Variants in ELF2 observed in about 807,000 individuals in gnomAD.
ELF2 encodes E74 like ETS transcription factor 2.
Under a neutral mutation model 54.8 loss-of-function variants are expected in ELF2, and 11 were observed. That is an observed-to-expected ratio of 0.20 (90% CI 0.13 to 0.33). The LOEUF (loss-of-function observed/expected upper bound fraction) is 0.33, where lower values mean the gene tolerates loss of function less well. ELF2 is among the 10% of genes least tolerant of loss of function. The probability of loss-of-function intolerance (pLI) is 1.00; values close to 1 mark genes in which losing one functional copy is unlikely to be tolerated. For missense variants in ELF2, 513 were observed against 703.0 expected, an observed-to-expected ratio of 0.73 and a Z score of 3.06; for synonymous variants, 203 against 245.1, an observed-to-expected ratio of 0.83 and a Z score of 1.61.
chr4:139,087,715 C>T (rs1402749111), intron 4 of ELF2, among the ~76,000 whole-genome samples: 1 of 152,104 alleles, frequency 6.6e-6, no homozygotes, highest in Non-Finnish European at 1.5e-5. Flanking sequence ...TCCGCCCTCC[C>T]CGGCCTCCCA....
chr4:139,150,600 T>C (rs1003245117), intron 1 of ELF2, among the ~76,000 whole-genome samples: 2 of 151,152 alleles, frequency 1.3e-5, no homozygotes, highest in Admixed American at 6.6e-5. Flanking sequence ...CTGTAGTCTA[T>C]ACTAACTAGG....
Position 139,084,542 on chromosome 4 carries a change from C to T in ELF2, c.239-10975G>A, listed in dbSNP as rs1731752217. The T allele has an allele frequency of 9.1e-6, 5 of 551,738 alleles. No individual in the cohort carries two copies. In the Middle Eastern group the frequency reaches 4.2e-3, roughly 460 times the overall value. 34.2% of individuals were successfully genotyped at this position (551,738 alleles called of 1,614,324 possible). ...AACAGGAAGTCCCGGACGCTTGCTC[C>T]AGAGAGCGGCCGCAGCCTGCGGCGA... On this transcript the variant is annotated intron_variant, in intron 4 of 9. Transcript: ENST00000686138.
chr4:139,132,875 A>ATATAT (rs1560848659), intron 3 of ELF2, among the ~76,000 whole-genome samples: 1 of 123,684 alleles, frequency 8.1e-6, no homozygotes, highest in South Asian at 2.4e-4. Context: ...TATATATATA[A>ATATAT]AATATGTAAT....
intron 3 of ELF2, among the ~76,000 whole-genome samples, chr4:139,132,874 A>ATATATATATATATATAT (rs1737676466): frequency 1.6e-5 from 2 of 124,160 alleles, no homozygotes; most frequent in African/African-American, 6.0e-5. Context: ...ATATATATAT[A>ATATATATATATATATAT]AAATATGTAA....
At chr4:139,088,751 T>C (rs769724225) in intron 4 of ELF2, among the ~76,000 whole-genome samples, 1 of 152,080 alleles carries the variant, frequency 6.6e-6, no homozygotes, top group African/African-American at 2.4e-5. Context: ...CCTAGGACTT[T>C]TTTTTTTTCT....
chr4:139,079,140 G>A (rs1236170658), intron 4 of ELF2, among the ~76,000 whole-genome samples: 1 of 151,882 alleles, frequency 6.6e-6, no homozygotes, highest in Non-Finnish European at 1.5e-5. Context: ...ATGTTGTCCA[G>A]GCTGGTCTCA....
rs1001597103 is a variant in ELF2, at chr4:139,115,354, C to T, written c.238+9810G>A. 4.7e-5 allele frequency: 57 copies of T among 1,203,368 alleles called. No homozygotes were observed. In the African/African-American group the frequency reaches 8.7e-4, roughly 18 times the overall value. The allele number at this position is 1,203,368 out of a possible 1,614,324, so 74.5% of individuals were successfully genotyped here. Reference sequence around the variant, plus strand: ...CCGGGGTCGCCAACGCCGCGCCCCCCGCGGTGCCGCTGTCCGCCATGGCGG... The same window carrying T: ...CCGGGGTCGCCAACGCCGCGCCCCCTGCGGTGCCGCTGTCCGCCATGGCGG... On this transcript the variant is annotated intron_variant, in intron 4 of 9. Transcript: ENST00000686138.
At chr4:139,147,526 C>T (rs568298459) in intron 1 of ELF2, among the ~76,000 whole-genome samples, 1 of 152,300 alleles carries the variant, frequency 6.6e-6, no homozygotes, top group East Asian at 1.9e-4. Flanking sequence ...GGCTGGAGAG[C>T]AGTGGCGCGA....
chr4:139,065,019 T>G (rs952825055), intron 7 of ELF2, among the ~76,000 whole-genome samples: 3 of 152,206 alleles, frequency 2.0e-5, no homozygotes, highest in African/African-American at 7.2e-5. Flanking sequence ...TCTTCAGTTA[T>G]TTTCTTTTTT....
At chr4:139,135,443 C>T (rs562126121) in intron 3 of ELF2, among the ~76,000 whole-genome samples, 1 of 151,740 alleles carries the variant, frequency 6.6e-6, no homozygotes, top group South Asian at 2.1e-4. Flanking sequence ...TTATATTGCC[C>T]CACCCCTCAC....
chr4:139,169,857 TAAAAAAAA>T (rs3041235), intron 1 of ELF2, among the ~76,000 whole-genome samples: 1 of 129,152 alleles, frequency 7.7e-6, no homozygotes, highest in Admixed American at 8.2e-5. Flanking sequence ...ACTCTTGTCT[TAAAAAAAA>T]AAAAAAAAAA....
At chr4:139,158,679 T>C (rs1032244726) in intron 1 of ELF2, among the ~76,000 whole-genome samples, 1 of 152,044 alleles carries the variant, frequency 6.6e-6, no homozygotes, top group Non-Finnish European at 1.5e-5. Context: ...TTTGTATGAA[T>C]TGAAAAACTA....
chr4:139,089,526 G>C (rs960751845), intron 4 of ELF2, among the ~76,000 whole-genome samples: 3 of 152,108 alleles, frequency 2.0e-5, no homozygotes, highest in African/African-American at 7.2e-5. Context: ...TTTCACATGT[G>C]TATATATTTA....
chr4:139,138,988 T>A (rs1220228244), intron 2 of ELF2, among the ~76,000 whole-genome samples: 1 of 152,172 alleles, frequency 6.6e-6, no homozygotes, highest in African/African-American at 2.4e-5. Flanking sequence ...ATTTCATGTA[T>A]ACAAAAATTT....
rs1389370763 is a variant in ELF2 at position 139,115,385 on chromosome 4, G to A, written c.238+9779C>T. Reference sequence around the variant, plus strand: ...GCCGCTGTCCGCCATGGCGGCCGCCGGGGCCACGTGCGCGCATCGGGCCCC... The same window carrying A: ...GCCGCTGTCCGCCATGGCGGCCGCCAGGGCCACGTGCGCGCATCGGGCCCC... On this transcript the variant is annotated intron_variant, in intron 4 of 9. Coordinates refer to ENST00000686138, the MANE Select transcript of ELF2 (RefSeq NM_001331036.3). 80 of 1,028,892 alleles carry A rather than the reference G, an allele frequency of 7.8e-5. 1 individual carries two copies. Among genetic ancestry groups the A allele is most frequent in the Admixed American group, 1.2e-4 (2 of 16,934 alleles). The allele number at this position is 1,028,892 out of a possible 1,614,324, so 63.7% of individuals were successfully genotyped here.
intron 4 of ELF2, among the ~76,000 whole-genome samples, chr4:139,087,328 T>G (rs150359381): frequency 1.2e-3 from 179 of 152,376 alleles, no homozygotes; most frequent in Non-Finnish European, 2.1e-3. Context: ...TTATCAAGGC[T>G]GGTCATCAAC....
At chr4:139,122,918 C>G (rs1736525312) in intron 4 of ELF2, among the ~76,000 whole-genome samples, 5 of 151,684 alleles carry the variant, frequency 3.3e-5, no homozygotes. Context: ...GGCACGCTGG[C>G]TTGTGCCTAT....
At chr4:139,161,103 G>C (rs562149638) in intron 1 of ELF2, among the ~76,000 whole-genome samples, 2 of 152,172 alleles carry the variant, frequency 1.3e-5, no homozygotes, top group East Asian at 3.9e-4. Context: ...ATATTATGTT[G>C]CGTATTGTGT....
chr4:139,139,605 T>G, intron 1 of ELF2, 108 bp from the exon 2 acceptor site: 1 of 472,184 alleles, frequency 2.1e-6, no homozygotes, highest in Non-Finnish European at 3.1e-6. Context: ...ACAAATCACT[T>G]CCAAAGCCAT....
Sources: gnomAD v4.1 joint callset for allele counts (sites outside exome capture counted in the v4.1 genomes callset) on GRCh38, gnomAD v4.1.1 for gene constraint, MANE v1.5 for transcripts, NCBI Gene and HGNC (gene_info 2026-07-23, HGNC 2026-07-21) for gene names.